Variants in BRD8 observed in about 807,000 individuals in gnomAD.
BRD8 encodes the protein bromodomain containing 8.
A neutral mutation model predicts 143.1 loss-of-function variants in BRD8; 67 were observed. That is an observed-to-expected ratio of 0.47 (90% CI 0.38 to 0.57). BRD8 has a LOEUF of 0.57. Ranked by LOEUF, BRD8 falls within the 20% of genes least tolerant of loss-of-function variation. The pLI, the probability that BRD8 is intolerant of heterozygous loss-of-function variation, is 0.00. For missense variants in BRD8, 1,103 were observed against 1,503.0 expected, an observed-to-expected ratio of 0.73 and a Z score of 4.40; for synonymous variants, 505 against 517.1, an observed-to-expected ratio of 0.98 and a Z score of 0.32.
chr5:138,143,139 G>T (rs62381761), intron 25 of BRD8, among the ~76,000 whole-genome samples: 17,570 of 151,730 alleles, frequency 0.12, 1,364 homozygotes, highest in South Asian at 0.22. Flanking sequence ...ACAAAAATTA[G>T]CCGGGCATGG....
intron 18 of BRD8, among the ~76,000 whole-genome samples, 196 bp from the exon 19 acceptor site, chr5:138,160,369 T>TA (rs1383252158): frequency 6.6e-6 from 1 of 152,030 alleles, no homozygotes; most frequent in Non-Finnish European, 1.5e-5. Flanking sequence ...CAGCCCTAAC[T>TA]TTTTTTTGCT....
chr5:138,145,111 G>A (rs752648483), intron 25 of BRD8, 66 bp downstream of exon 25: 16 of 1,445,144 alleles, frequency 1.1e-5, no homozygotes, highest in Non-Finnish European at 1.5e-5. Flanking sequence ...TCTAACAGAT[G>A]GGAAATAAAA....
rs754449530 is a variant in BRD8, at chr5:138,167,961, T to C, written c.760A>G (p.Thr254Ala). ...HGGEIQQTPNTVAASPAASGA... is the reference protein window; with the variant it reads ...HGGEIQQTPNAVAASPAASGA... ...GATGCAGCAGGGGAGGCTGCAACAG[T>C]ATTGGGTGTTTGCTGTATCTCCCCA... The change falls in exon 9 of 27, where the codon ACT (threonine) becomes GCT (alanine). Residue 254 changes from threonine (T) to alanine (A), a missense_variant. Transcript: ENST00000254900. 6 of 1,613,642 alleles carry C rather than the reference T, an allele frequency of 3.7e-6. No individual in the cohort carries two copies. In the Admixed American group the frequency reaches 1.0e-4, roughly 27 times the overall value.
intron 23 of BRD8, among the ~76,000 whole-genome samples, chr5:138,148,334 A>T (rs1752243791): frequency 6.6e-6 from 1 of 152,114 alleles, no homozygotes; most frequent in Non-Finnish European, 1.5e-5. Flanking sequence ...AGAAACAAAG[A>T]TCACAAACTT....
intron 19 of BRD8, among the ~76,000 whole-genome samples, 189 bp downstream of exon 19, chr5:138,159,880 G>A (rs1178244722): frequency 6.6e-6 from 1 of 152,136 alleles, no homozygotes; most frequent in Non-Finnish European, 1.5e-5. Context: ...CATGTGACTG[G>A]GCCTTTCGGT....
At chr5:138,166,134 C>A (rs764371759) in intron 10 of BRD8, 26 bp from the exon 11 acceptor site, 4 of 1,582,556 alleles carry the variant, frequency 2.5e-6, no homozygotes, top group Non-Finnish European at 3.4e-6. Context: ...AGAAAAGCAT[C>A]TCAGAAGCTT....
Position 138,167,190 on chromosome 5 carries a change from C to T in BRD8, c.788-463G>A, listed in dbSNP as rs1227349183. Among the ~76,000 whole-genome samples the T allele has an allele frequency of 4.0e-5, 6 of 148,556 alleles. No individual in the cohort carries two copies. The East Asian group carries it at 7.9e-4, about 20-fold the overall frequency. Reference sequence around the variant, plus strand: ...GGCTGAGGCAGGAGAACTGCTTGAACGCAGGAGGTGGAGATTGCAGTGAGC... The same window carrying T: ...GGCTGAGGCAGGAGAACTGCTTGAATGCAGGAGGTGGAGATTGCAGTGAGC... On this transcript the variant is annotated intron_variant, in intron 9 of 26. Transcript: ENST00000254900.
At position 138,141,002 on chromosome 5, in the gene BRD8, C is replaced by A. The variant is rs1284662299; in HGVS notation, c.3438-120G>T. 8 of 1,019,748 alleles carry A rather than the reference C, an allele frequency of 7.8e-6. No individual in the cohort carries two copies. The East Asian group carries it at 9.5e-5, about 12-fold the overall frequency. The allele number at this position is 1,019,748 out of a possible 1,614,324, so 63.2% of individuals were successfully genotyped here. A position where few individuals can be genotyped will look rare whatever the true frequency, so the allele number is the denominator to read the frequency against. ...ATGAAAACAGTAGCAAAGATAACAA[C>A]CCTCATCAGATAATAAAATAGCAAC... On this transcript the variant is annotated intron_variant, in intron 25 of 26. Transcript: ENST00000254900.
Position 138,164,429 on chromosome 5 carries a change from G to GA in BRD8, c.1732-17dup. On this transcript the variant is annotated splice_polypyrimidine_tract_variant and intron_variant, in intron 12 of 26. Transcript: ENST00000254900. Reference sequence around the variant, plus strand: ...CAGGGGATGCCTGAAAACCAGAAAAGAAAAAACACCCTAAGTACTGATAAA... The same window carrying GA: ...CAGGGGATGCCTGAAAACCAGAAAAGAAAAAAACACCCTAAGTACTGATAAA... The GA allele has an allele frequency of 6.2e-7, 1 of 1,605,148 alleles. No homozygotes were observed. Among genetic ancestry groups the GA allele is most frequent in the South Asian group, 1.1e-5 (1 of 90,734 alleles).
intron 21 of BRD8, among the ~76,000 whole-genome samples, chr5:138,151,999 C>T (rs901315529): frequency 5.9e-5 from 9 of 152,160 alleles, no homozygotes; most frequent in African/African-American, 1.9e-4. Context: ...GGATTACAGG[C>T]GCCCGCCACC....
chr5:138,169,398 T>C (rs747794684), intron 7 of BRD8, 40 bp from the exon 8 acceptor site: 24 of 1,602,724 alleles, frequency 1.5e-5, no homozygotes, highest in Non-Finnish European at 1.9e-5. Flanking sequence ...TCTTCAAGAT[T>C]AAATAAATGA....
intron 20 of BRD8, chr5:138,156,932 TG>T (rs1445344877): frequency 4.3e-5 from 53 of 1,243,434 alleles, no homozygotes; most frequent in Admixed American, 1.2e-4. Flanking sequence ...CACTGGTGGT[TG>T]TTTTTTTTAA....
chr5:138,170,458 C>G, intron 6 of BRD8, 49 bp from the exon 7 acceptor site: 1 of 1,600,768 alleles, frequency 6.2e-7, no homozygotes, highest in South Asian at 1.1e-5. Flanking sequence ...GGCTCCTCCC[C>G]AGAGTTCACA....
In BRD8 at chr5:138,150,915, T is replaced by C. The variant is rs775444963; in HGVS notation, c.2950A>G (p.Ile984Val). 1 of 1,614,222 alleles carries C rather than the reference T, an allele frequency of 6.2e-7. No homozygotes were observed. The highest frequency in any genetic ancestry group is 1.1e-5 in the South Asian group (1 of 91,092). The change falls in exon 22 of 27, where the codon ATT becomes GTT. Residue 984 changes from isoleucine (I) to valine (V), a missense_variant. Ile to Val is a conservative substitution (Grantham distance 29). Coordinates refer to ENST00000254900, the MANE Select transcript of BRD8 (RefSeq NM_139199.2). Reference sequence around the variant, plus strand: ...TCCCTTTCTCCTTCGCTAGCTTTAATTTCCCTTCCTTCTTGTCTGGTACCA... The same window carrying C: ...TCCCTTTCTCCTTCGCTAGCTTTAACTTCCCTTCCTTCTTGTCTGGTACCA... Reference protein sequence around the residue: ...PSGTRQEGREIKASEGERELC... With the variant: ...PSGTRQEGREVKASEGERELC...
chr5:138,163,031 G>T lies in BRD8; in HGVS notation c.2087+99C>A, dbSNP rs1260191966. On this transcript the variant is annotated intron_variant, in intron 15 of 26. Coordinates refer to ENST00000254900, the MANE Select transcript of BRD8 (RefSeq NM_139199.2). ...AAAGGAAAGGAAAGGAAAGGGAAAA[G>T]AAAAGAAAAGAGAAAAGACAGGAAG... is the stretch of plus-strand genomic sequence containing the variant. 1.2e-5 allele frequency: 9 copies of T among 746,094 alleles called. No homozygotes were observed. In the African/African-American group the frequency reaches 2.0e-4, roughly 17 times the overall value. 46.2% of individuals were successfully genotyped at this position (746,094 alleles called of 1,614,324 possible).
At position 138,170,910 on chromosome 5, in the gene BRD8, C is replaced by T. The variant is rs148458723; in HGVS notation, c.362G>A (p.Arg121Gln). ...VIKETQERYR[R>Q]LKRDAELIQA... ...AATTAGTTCTGCATCTCTCTTTAGC[C>T]GTCTATAGGAAGAAAGAGAGGTAGG... The change falls in exon 6 of 27, where the codon CGG (arginine) becomes CAG (glutamine). Residue 121 changes from arginine (R) to glutamine (Q), a missense_variant and splice_region_variant. Physicochemically the swap from Arg to Gln is conservative, Grantham distance 43. This residue lies in a region of BRD8 where 334 missense variants were observed against 372.5 expected (regional missense o/e 0.90). Transcript: ENST00000254900. 61 of 1,614,068 alleles carry T rather than the reference C, an allele frequency of 3.8e-5. No homozygotes were observed. The African/African-American group carries it at 7.1e-4, about 19-fold the overall frequency.
chr5:138,145,084 G>A, intron 25 of BRD8, 93 bp downstream of exon 25: 4 of 1,296,300 alleles, frequency 3.1e-6, no homozygotes, highest in Non-Finnish European at 4.3e-6. Flanking sequence ...TCTTGAGTTT[G>A]TAAGTTATAA....
At chr5:138,164,664 T>C (rs1160541741) in intron 12 of BRD8, 50 bp downstream of exon 12, 1 of 1,587,318 alleles carries the variant, frequency 6.3e-7, no homozygotes, top group Non-Finnish European at 8.6e-7. Flanking sequence ...TGTCACTTCT[T>C]ATCTAAGGTA....
At chr5:138,164,006 C>A in intron 14 of BRD8, 81 bp downstream of exon 14, 1 of 1,481,630 alleles carries the variant, frequency 6.7e-7, no homozygotes, top group South Asian at 1.2e-5. Flanking sequence ...AAAGATGTGA[C>A]TTTACTGAAA....
Sources: gnomAD v4.1 joint callset for allele counts (sites outside exome capture counted in the v4.1 genomes callset) on GRCh38, gnomAD v4.1.1 for gene constraint, gnomAD v4.1.1 regional missense constraint, MANE v1.5 for transcripts, NCBI Gene and HGNC (gene_info 2026-07-23, HGNC 2026-07-21) for gene names.